PHACTR1: variants seen among roughly 807,000 people sequenced by gnomAD.
PHACTR1 encodes RPEL repeat containing 1.
PHACTR1 carries 16 observed loss-of-function variants against 69.2 expected under a neutral mutation model. The ratio of observed to expected loss-of-function variants is 0.23; its 90% CI spans 0.16 to 0.35. PHACTR1 has a LOEUF of 0.35. Among genes scored for constraint, PHACTR1 ranks in the 10% least tolerant of loss-of-function variants. The probability of loss-of-function intolerance (pLI) is 1.00; values close to 1 mark genes in which losing one functional copy is unlikely to be tolerated. For missense variants in PHACTR1, 510 were observed against 734.7 expected (o/e 0.69, Z 3.54); for synonymous variants, 312 against 284.5 (o/e 1.10, Z -0.97).
At chr6:13,226,634 A>C (rs1769757344) in intron 8 of PHACTR1, among the ~76,000 whole-genome samples, 1 of 152,224 alleles carries the variant, frequency 6.6e-6, no homozygotes, top group Non-Finnish European at 1.5e-5. Flanking sequence ...GTCATAAAAA[A>C]GGGTTCTAAG....
At chr6:13,251,067 C>A (rs773573515) in intron 10 of PHACTR1, among the ~76,000 whole-genome samples, 1 of 152,220 alleles carries the variant, frequency 6.6e-6, no homozygotes, top group Non-Finnish European at 1.5e-5. Context: ...GGTCCCTGTG[C>A]ATCGTCCACA....
intron 4 of PHACTR1, among the ~76,000 whole-genome samples, chr6:12,969,394 T>C (rs1793895508): frequency 6.6e-6 from 1 of 152,092 alleles, no homozygotes; most frequent in Admixed American, 6.6e-5. Flanking sequence ...AACTACAGAG[T>C]TGACATTCAG....
At chr6:13,105,449 C>T (rs577199678) in intron 5 of PHACTR1, among the ~76,000 whole-genome samples, 1 of 151,998 alleles carries the variant, frequency 6.6e-6, no homozygotes, top group Non-Finnish European at 1.5e-5. Flanking sequence ...TACACATGCC[C>T]CAGTTCCAAA....
chr6:12,902,580 C>G (rs1042826235), intron 4 of PHACTR1, among the ~76,000 whole-genome samples: 1 of 152,172 alleles, frequency 6.6e-6, no homozygotes, highest in South Asian at 2.1e-4. Flanking sequence ...CATCAACAAA[C>G]AGTGTCCCAG....
chr6:13,186,141 A>T (rs1313846983), intron 7 of PHACTR1, among the ~76,000 whole-genome samples: 1 of 152,224 alleles, frequency 6.6e-6, no homozygotes, highest in African/African-American at 2.4e-5. Context: ...AAACGGAACC[A>T]TCTAACATAT....
At chr6:13,185,135 T>C in intron 7 of PHACTR1, 1 of 645,506 alleles carries the variant, frequency 1.5e-6, no homozygotes, top group African/African-American at 1.9e-5. Context: ...TGTTTGGGTG[T>C]TTCTGTGTGT....
chr6:13,024,616 T>G (rs1801433080), intron 4 of PHACTR1, among the ~76,000 whole-genome samples: 1 of 152,210 alleles, frequency 6.6e-6, no homozygotes, highest in Non-Finnish European at 1.5e-5. Flanking sequence ...CTTTTTTGCC[T>G]GCCCAAAGCC....
At position 12,889,434 on chromosome 6, in the gene PHACTR1, G is replaced by A. The variant is rs1048113233; in HGVS notation, c.250+139644G>A. Reference sequence around the variant, plus strand: ...ATGTCCTAATCAATGCGTGCTGGGAGAACTACAAATGTAAAGAAAACATGT... The same window carrying A: ...ATGTCCTAATCAATGCGTGCTGGGAAAACTACAAATGTAAAGAAAACATGT... On this transcript the variant is annotated intron_variant, in intron 4 of 14. Transcript: ENST00000332995. Among the ~76,000 whole-genome samples, 16 of 152,298 alleles carry A rather than the reference G, an allele frequency of 1.1e-4. 1 individual carries two copies. Among genetic ancestry groups the A allele is most frequent in the African/African-American group, 2.9e-4 (12 of 41,576 alleles).
chr6:12,786,595 C>T (rs914902611), intron 4 of PHACTR1, among the ~76,000 whole-genome samples: 1 of 152,224 alleles, frequency 6.6e-6, no homozygotes, highest in South Asian at 2.1e-4. Flanking sequence ...GTTCTTCCCA[C>T]ACTCTTTGAA....
At chr6:12,747,627 A>G (rs1198766552) in intron 3 of PHACTR1, among the ~76,000 whole-genome samples, 1 of 152,140 alleles carries the variant, frequency 6.6e-6, no homozygotes, top group Non-Finnish European at 1.5e-5. Flanking sequence ...AGGTCATGCC[A>G]TTGCACTCCA....
chr6:13,002,487 A>G (rs1041141866), intron 4 of PHACTR1, among the ~76,000 whole-genome samples: 2 of 152,150 alleles, frequency 1.3e-5, no homozygotes, highest in African/African-American at 2.4e-5. Flanking sequence ...TGTCTTCTAT[A>G]TTACCCTCAG....
intron 4 of PHACTR1, among the ~76,000 whole-genome samples, chr6:12,949,946 C>T (rs1039369252): frequency 1.3e-5 from 2 of 152,198 alleles, no homozygotes; most frequent in Admixed American, 6.5e-5. Flanking sequence ...ACACCCCTGC[C>T]GTCTCACACC....
At chr6:12,783,068 A>G (rs183138681) in intron 4 of PHACTR1, among the ~76,000 whole-genome samples, 3 of 152,350 alleles carry the variant, frequency 2.0e-5, no homozygotes, top group Admixed American at 1.3e-4. Context: ...TTCAGTTTAC[A>G]TGAGTTAGGA....
intron 4 of PHACTR1, chr6:12,933,559 G>A (rs1789102181): frequency 1.9e-6 from 3 of 1,581,458 alleles, no homozygotes; most frequent in South Asian, 1.2e-5. Context: ...TCGCCAGGGT[G>A]ATTCTTCTTG....
In PHACTR1 at chr6:12,850,327, A is replaced by G. The variant is rs1582083408; in HGVS notation, c.250+100537A>G. On this transcript the variant is annotated intron_variant, in intron 4 of 14. Coordinates refer to ENST00000332995, the MANE Select transcript of PHACTR1 (RefSeq NM_030948.6). The stretch of plus-strand genomic sequence containing the variant: ...ACAGATACTGCTGATCGATGCCTGC[A>G]CTCTTGCCCATCAGGCCCGCGTGCA... 2.6e-5 allele frequency among the ~76,000 whole-genome samples: 4 copies of G among 152,242 alleles called. No individual in the cohort carries two copies. The South Asian group carries it at 8.3e-4, about 32-fold the overall frequency.
At chr6:12,804,100 C>T (rs145469201) in intron 4 of PHACTR1, among the ~76,000 whole-genome samples, 19 of 152,270 alleles carry the variant, frequency 1.2e-4, no homozygotes, top group Admixed American at 5.2e-4. Context: ...TGACTAAATT[C>T]ACTCTATTTC....
chr6:13,158,956 A>G (rs1758580504), intron 5 of PHACTR1, among the ~76,000 whole-genome samples: 1 of 152,202 alleles, frequency 6.6e-6, no homozygotes, highest in South Asian at 2.1e-4. Context: ...TATGTTTTCA[A>G]AGGCTGTGGA....
intron 5 of PHACTR1, among the ~76,000 whole-genome samples, chr6:13,076,111 C>A (rs1810430184): frequency 6.8e-6 from 1 of 148,094 alleles, no homozygotes; most frequent in East Asian, 2.0e-4. Context: ...TGAGCAAATT[C>A]CTTTGTTCGA....
intron 4 of PHACTR1, among the ~76,000 whole-genome samples, chr6:12,843,674 T>C (rs12211859): frequency 0.013 from 1,925 of 152,308 alleles, 33 homozygotes; most frequent in Non-Finnish European, 0.022. Flanking sequence ...CATGGGCAAC[T>C]TGAGCTTTGC....
Sources: gnomAD v4.1 joint callset for allele counts (sites outside exome capture counted in the v4.1 genomes callset) on GRCh38, gnomAD v4.1.1 for gene constraint, MANE v1.5 for transcripts, NCBI Gene and HGNC (gene_info 2026-07-23, HGNC 2026-07-21) for gene names.